Variants in PAX5 observed in about 807,000 individuals in gnomAD.
PAX5 encodes the protein paired box protein Pax-5.
Under a neutral mutation model 43.7 loss-of-function variants are expected in PAX5, and 9 were observed. The observed-to-expected ratio is 0.21, with a 90% CI of 0.12 to 0.36. The LOEUF is 0.36. Ranked by LOEUF, PAX5 falls within the 10% of genes least tolerant of loss-of-function variation. The pLI is 1.00. For missense variants in PAX5, 383 were observed against 532.7 expected (o/e 0.72, Z 2.77); for synonymous variants, 228 against 214.3 (o/e 1.06, Z -0.56).
intron 8 of PAX5, among the ~76,000 whole-genome samples, chr9:36,848,350 C>CCACACA (rs55793420): frequency 0.056 from 7,685 of 136,422 alleles, 362 homozygotes; most frequent in South Asian, 0.12. Context: ...CAGAGCGTGT[C>CCACACA]CACACACACA....
At chr9:36,952,968 G>A (rs1454467812) in intron 6 of PAX5, among the ~76,000 whole-genome samples, 2 of 152,094 alleles carry the variant, frequency 1.3e-5, no homozygotes, top group Non-Finnish European at 2.9e-5. Context: ...CTGAGTTTCT[G>A]AACTACATCA....
rs192291303 is a variant in PAX5, at chr9:36,903,824, G to A, written c.910+19531C>T. On this transcript the variant is annotated intron_variant, in intron 7 of 9. Transcript: ENST00000358127. Reference sequence around the variant, plus strand: ...GCCCCATCAGTCCCGGCCCCTACACGTGGCCTGAAATCCACCTATCAGCTC... The same window carrying A: ...GCCCCATCAGTCCCGGCCCCTACACATGGCCTGAAATCCACCTATCAGCTC... Among the ~76,000 whole-genome samples, 71 of 152,294 alleles carry A rather than the reference G, an allele frequency of 4.7e-4. 2 individuals carry two copies. The highest frequency in any genetic ancestry group is 4.1e-3 in the Admixed American group (63 of 15,300).
At chr9:36,899,117 T>G (rs534595358) in intron 7 of PAX5, among the ~76,000 whole-genome samples, 37 of 152,286 alleles carry the variant, frequency 2.4e-4, no homozygotes, top group African/African-American at 8.2e-4. Flanking sequence ...CTAAATGGCT[T>G]GCTTTCCCCC....
chr9:36,855,135 G>A (rs967723238), intron 8 of PAX5, among the ~76,000 whole-genome samples: 5 of 152,214 alleles, frequency 3.3e-5, no homozygotes, highest in African/African-American at 1.2e-4. Context: ...GCGGCATCAC[G>A]GTGCCTCTGC....
intron 5 of PAX5, among the ~76,000 whole-genome samples, chr9:36,985,156 G>C (rs72735662): frequency 0.056 from 8,500 of 152,286 alleles, 277 homozygotes; most frequent in Admixed American, 0.11. Context: ...GTCTTCAAAT[G>C]GGGGGTGGGG....
intron 6 of PAX5, among the ~76,000 whole-genome samples, chr9:36,959,941 T>C (rs1358021993): frequency 6.6e-6 from 1 of 152,232 alleles, no homozygotes; most frequent in East Asian, 1.9e-4. Context: ...ATGGGAGTTG[T>C]TGTGACTTGG....
chr9:37,018,129 G>C (rs1839551998), intron 2 of PAX5, among the ~76,000 whole-genome samples: 1 of 152,128 alleles, frequency 6.6e-6, no homozygotes, highest in Non-Finnish European at 1.5e-5. Context: ...TGTCTTCCCT[G>C]CTTGTTTTGT....
intron 7 of PAX5, among the ~76,000 whole-genome samples, chr9:36,907,731 T>G (rs1198751159): frequency 1.3e-5 from 2 of 152,092 alleles, no homozygotes; most frequent in Admixed American, 6.5e-5. Flanking sequence ...TTGAACCCAT[T>G]TATAGGAAAT....
intron 9 of PAX5, among the ~76,000 whole-genome samples, chr9:36,842,120 G>T (rs982918287): frequency 1.3e-5 from 2 of 152,162 alleles, no homozygotes; most frequent in African/African-American, 2.4e-5. Flanking sequence ...CCAACCCCGT[G>T]CCTAAGTATT....
chr9:36,858,465 TC>T (rs1416127729), intron 8 of PAX5, among the ~76,000 whole-genome samples: 1 of 152,186 alleles, frequency 6.6e-6, no homozygotes, highest in Non-Finnish European at 1.5e-5. Flanking sequence ...AAGATTGGTT[TC>T]CAGTCTTTCT....
intron 1 of PAX5, among the ~76,000 whole-genome samples, chr9:37,030,738 T>TC (rs2132567673): frequency 6.6e-6 from 1 of 152,348 alleles, no homozygotes; most frequent in South Asian, 2.1e-4. Context: ...ACACACCCCC[T>TC]CCCGGCTTCC....
chr9:36,857,093 G>T (rs754558086), intron 8 of PAX5, among the ~76,000 whole-genome samples: 3 of 152,158 alleles, frequency 2.0e-5, no homozygotes, highest in Non-Finnish European at 2.9e-5. Context: ...CTAGGTTCTC[G>T]TGTGTCTAGC....
chr9:37,015,259 T>C lies in PAX5; in HGVS notation c.213-65A>G. Reference sequence around the variant, plus strand: ...AGTAAAGTGGATATTGGCAACAAAATAACGGGCTACTCTGGCCAGGAAACG... The same window carrying C: ...AGTAAAGTGGATATTGGCAACAAAACAACGGGCTACTCTGGCCAGGAAACG... On this transcript the variant is annotated intron_variant, in intron 2 of 9. Coordinates refer to ENST00000358127, the MANE Select transcript of PAX5 (RefSeq NM_016734.3). This position sits in a 1 kb window ranked among gnomAD's most constrained non-coding sequence, Gnocchi z 4.4. 7.0e-7 allele frequency: 1 copy of C among 1,425,624 alleles called. No homozygotes were observed. The highest frequency in any genetic ancestry group is 1.7e-5 in the Admixed American group (1 of 58,840). 88.3% of individuals were successfully genotyped at this position (1,425,624 alleles called of 1,614,324 possible).
chr9:36,930,588 A>C (rs770124633), intron 6 of PAX5, among the ~76,000 whole-genome samples: 1 of 152,172 alleles, frequency 6.6e-6, no homozygotes, highest in Non-Finnish European at 1.5e-5. Flanking sequence ...AAAAGACTGA[A>C]CTAGGAGTGA....
chr9:36,848,579 T>TG (rs938212588), intron 8 of PAX5, among the ~76,000 whole-genome samples: 3 of 151,986 alleles, frequency 2.0e-5, no homozygotes, highest in African/African-American at 7.3e-5. Context: ...CCTCCTCAGG[T>TG]GGGGGAGTAG....
intron 5 of PAX5, among the ~76,000 whole-genome samples, chr9:36,968,853 G>A (rs1834679571): frequency 6.6e-6 from 1 of 152,190 alleles, no homozygotes. Flanking sequence ...CTGCCCAGCA[G>A]TGTTCTTCCA....
At chr9:36,971,758 C>G (rs1304622563) in intron 5 of PAX5, among the ~76,000 whole-genome samples, 1 of 152,154 alleles carries the variant, frequency 6.6e-6, no homozygotes, top group African/African-American at 2.4e-5. Context: ...TCTCGGGGAG[C>G]AAAGAAATGC....
At chr9:36,955,776 A>ATATATATAT (rs1011804806) in intron 6 of PAX5, among the ~76,000 whole-genome samples, 10 of 73,754 alleles carry the variant, frequency 1.4e-4, no homozygotes, top group African/African-American at 3.3e-4. Context: ...GTTTCAAAAA[A>ATATATATAT]AAAAAAATAT....
At chr9:36,891,529 A>G (rs1316946053) in intron 7 of PAX5, among the ~76,000 whole-genome samples, 1 of 152,226 alleles carries the variant, frequency 6.6e-6, no homozygotes, top group African/African-American at 2.4e-5. Context: ...AGTGGAGGGT[A>G]TGCTGCTGAC....
Sources: allele counts gnomAD v4.1 joint callset (sites outside exome capture counted in the v4.1 genomes callset), GRCh38; gene constraint gnomAD v4.1.1; non-coding constraint Gnocchi (gnomAD v3.1); transcripts MANE v1.5; gene names NCBI Gene and HGNC (gene_info 2026-07-23, HGNC 2026-07-21).